The following TNIK variants were observed in gnomAD, a reference collection of about 807,000 sequenced individuals.
TNIK encodes the protein TRAF2 and NCK interacting kinase.
TNIK carries 49 observed loss-of-function variants against 191.3 expected under a neutral mutation model. That is an observed-to-expected ratio of 0.26 (90% confidence interval 0.20 to 0.32). The LOEUF is 0.32. Among genes scored for constraint, TNIK ranks in the 10% least tolerant of loss-of-function variants. TNIK has a pLI of 1.00. For missense variants in TNIK, 1,155 were observed against 1,702.3 expected (o/e 0.68, Z 5.66); for synonymous variants, 594 against 600.9 (o/e 0.99, Z 0.17).
At chr3:171,095,878 AAGG>A (rs1722643308) in intron 22 of TNIK, among the ~76,000 whole-genome samples, 1 of 152,214 alleles carries the variant, frequency 6.6e-6, no homozygotes, top group South Asian at 2.1e-4. Context: ...CATTCCTAGA[AAGG>A]AGCTTTTAAT....
chr3:171,298,964 C>G (rs13099460), intron 2 of TNIK, among the ~76,000 whole-genome samples: 68,925 of 151,982 alleles, frequency 0.45, 16,330 homozygotes, highest in Non-Finnish European at 0.51. Context: ...CCTTGCACAT[C>G]CCCTTATAGG....
At chr3:171,273,891 G>C (rs1356726651) in intron 2 of TNIK, among the ~76,000 whole-genome samples, 1 of 152,162 alleles carries the variant, frequency 6.6e-6, no homozygotes, top group Non-Finnish European at 1.5e-5. Context: ...TTAACAGCCT[G>C]ATTTACTTTA....
intron 1 of TNIK, among the ~76,000 whole-genome samples, chr3:171,382,248 T>C (rs1298797822): frequency 3.9e-5 from 5 of 127,688 alleles, no homozygotes; most frequent in Non-Finnish European, 8.0e-5. Context: ...TTTGAGACAG[T>C]CTCGCTCTGT....
chr3:171,378,167 C>G (rs1001446817), intron 1 of TNIK, among the ~76,000 whole-genome samples: 2 of 152,194 alleles, frequency 1.3e-5, no homozygotes, highest in Non-Finnish European at 2.9e-5. Context: ...TCTCAGATTT[C>G]TATCTAAAGC....
intron 2 of TNIK, among the ~76,000 whole-genome samples, chr3:171,363,170 G>C (rs966824963): frequency 6.6e-6 from 1 of 152,152 alleles, no homozygotes; most frequent in South Asian, 2.1e-4. Context: ...GCAATGCACA[G>C]TACAGCCCCC....
At chr3:171,148,089 C>A (rs1731886225) in intron 12 of TNIK, among the ~76,000 whole-genome samples, 1 of 152,122 alleles carries the variant, frequency 6.6e-6, no homozygotes, top group African/African-American at 2.4e-5. Flanking sequence ...TCTTTCTACA[C>A]CTACTTTACA....
At chr3:171,294,740 A>T (rs1032397801) in intron 2 of TNIK, among the ~76,000 whole-genome samples, 3 of 152,102 alleles carry the variant, frequency 2.0e-5, no homozygotes. Context: ...TAATAATAAT[A>T]ATGAATGACA....
intron 3 of TNIK, among the ~76,000 whole-genome samples, chr3:171,213,637 T>C (rs1560271488): frequency 1.3e-5 from 2 of 152,132 alleles, no homozygotes; most frequent in African/African-American, 2.4e-5. Flanking sequence ...AAATAAATAG[T>C]ACTGGAGGTC....
At chr3:171,133,503 A>G (rs946582837) in intron 15 of TNIK, among the ~76,000 whole-genome samples, 21 of 152,324 alleles carry the variant, frequency 1.4e-4, no homozygotes, top group Middle Eastern at 3.4e-3. Flanking sequence ...TGGCACGTGC[A>G]TATTCATTAT....
chr3:171,426,977 T>G (rs78097839), intron 1 of TNIK, among the ~76,000 whole-genome samples: 6,735 of 152,264 alleles, frequency 0.044, 507 homozygotes, highest in African/African-American at 0.15. Context: ...TAAGTGGAAG[T>G]GCCCAGGGTC....
intron 1 of TNIK, among the ~76,000 whole-genome samples, chr3:171,406,208 C>G (rs537820311): frequency 6.6e-6 from 1 of 152,044 alleles, no homozygotes; most frequent in African/African-American, 2.4e-5. Context: ...CAGTGGTGGT[C>G]CCTGTTGCCA....
intron 2 of TNIK, among the ~76,000 whole-genome samples, chr3:171,305,107 AG>A (rs1424898495): frequency 6.6e-6 from 1 of 151,494 alleles, no homozygotes; most frequent in African/African-American, 2.4e-5. Context: ...TTAAGTGAGA[AG>A]GGTGCCTGAA....
intron 3 of TNIK, among the ~76,000 whole-genome samples, chr3:171,218,986 A>G (rs1193099183): frequency 1.6e-4 from 21 of 128,546 alleles, no homozygotes; most frequent in Non-Finnish European, 3.3e-4. Context: ...TATTTATATT[A>G]AATTATTACA....
chr3:171,083,092 T>C (rs1411141915), intron 26 of TNIK, among the ~76,000 whole-genome samples: 1 of 152,160 alleles, frequency 6.6e-6, no homozygotes, highest in East Asian at 1.9e-4. Context: ...GTCTGGGTAG[T>C]TGTAATCCTA....
At chr3:171,223,729 C>T (rs559462189) in intron 3 of TNIK, among the ~76,000 whole-genome samples, 30 of 152,108 alleles carry the variant, frequency 2.0e-4, no homozygotes, top group Non-Finnish European at 3.4e-4. Context: ...AGTTCTGGCA[C>T]GTAGTAATCA....
chr3:171,303,650 T>G (rs886857976), intron 2 of TNIK, among the ~76,000 whole-genome samples: 1 of 152,202 alleles, frequency 6.6e-6, no homozygotes, highest in Admixed American at 6.5e-5. Flanking sequence ...CATAAAAACC[T>G]TAGAACTGAG....
intron 1 of TNIK, among the ~76,000 whole-genome samples, chr3:171,392,805 G>C (rs1386374467): frequency 7.5e-6 from 1 of 132,652 alleles, no homozygotes; most frequent in African/African-American, 2.8e-5. Flanking sequence ...AGAAAAGAAA[G>C]AAAGAAAATA....
rs1235720809 is a variant in TNIK at position 171,059,963 on chromosome 3, T to C, written c.*3918A>G. 6.6e-6 allele frequency among the ~76,000 whole-genome samples: 1 copy of C among 152,216 alleles called. No homozygotes were observed. The highest frequency in any genetic ancestry group is 1.5e-5 in the Non-Finnish European group (1 of 68,028). On this transcript the variant is annotated 3_prime_UTR_variant, in exon 33 of 33. Transcript: ENST00000436636. ...ATTCAGAATTGTTATCAGCATGCTG[T>C]GGATTTTCTCATGTTTTCCTGCAGT...
intron 2 of TNIK, among the ~76,000 whole-genome samples, chr3:171,306,959 G>A (rs777786221): frequency 1.6e-4 from 24 of 152,018 alleles, no homozygotes; most frequent in Admixed American, 1.0e-3. Flanking sequence ...CACAAGCCCC[G>A]GGAACAAAGT....
Sources: gnomAD v4.1 joint callset for allele counts (sites outside exome capture counted in the v4.1 genomes callset) on GRCh38, gnomAD v4.1.1 for gene constraint, MANE v1.5 for transcripts, NCBI Gene and HGNC (gene_info 2026-07-23, HGNC 2026-07-21) for gene names.